ZCCHC10: variants seen among roughly 807,000 people sequenced by gnomAD.
ZCCHC10 encodes zinc finger CCHC-type containing 10.
A neutral mutation model predicts 19.5 loss-of-function variants in ZCCHC10; 16 were observed. The ratio of observed to expected loss-of-function variants is 0.82; its 90% CI spans 0.56 to 1.25. ZCCHC10 has a LOEUF of 1.25. Ranked by LOEUF, ZCCHC10 falls within the 50% of genes most tolerant of loss-of-function variation. The probability of loss-of-function intolerance (pLI) is 0.00; values close to 1 mark genes in which losing one functional copy is unlikely to be tolerated. For missense variants in ZCCHC10, 197 were observed against 201.0 expected, an observed-to-expected ratio of 0.98 and a Z score of 0.12; for synonymous variants, 67 against 72.5, an observed-to-expected ratio of 0.92 and a Z score of 0.38.
intron 1 of ZCCHC10, among the ~76,000 whole-genome samples, chr5:133,024,519 C>T (rs1256453180): frequency 6.6e-6 from 1 of 152,182 alleles, no homozygotes; most frequent in Non-Finnish European, 1.5e-5. Context: ...AAAGAGCAAG[C>T]ATGAGAGACA....
At chr5:132,999,279 T>C (rs1329164696) in intron 4 of ZCCHC10, among the ~76,000 whole-genome samples, 2 of 152,206 alleles carry the variant, frequency 1.3e-5, no homozygotes, top group African/African-American at 4.8e-5. Flanking sequence ...TTTGCTAGCA[T>C]GTTATCCTTA....
rs1432501273 is a variant in ZCCHC10 at position 133,006,803 on chromosome 5, C to A, written c.225G>T (p.Lys75Asn). Residue 75 changes from lysine to asparagine, a missense_variant, in exon 3 of 5, where the codon AAG becomes AAT. Coordinates refer to ENST00000509437, the MANE Select transcript of ZCCHC10 (RefSeq NM_001300816.3). ...LHRPSRTAEL[K>N]KALKEKENRL... ...TGTTTTCTTTTTCTTTTAAAGCTTT[C>A]TTTAGTTCTGCTGTCCTTGAGGGCC... 2 of 1,609,952 alleles carry A rather than the reference C, an allele frequency of 1.2e-6. No homozygotes were observed. The highest frequency in any genetic ancestry group is 4.5e-5 in the East Asian group (2 of 44,752).
At chr5:133,024,142 G>GT (rs1442617989) in intron 1 of ZCCHC10, among the ~76,000 whole-genome samples, 1 of 152,134 alleles carries the variant, frequency 6.6e-6, no homozygotes, top group Non-Finnish European at 1.5e-5. Context: ...ATAAAAATTT[G>GT]TTTAACTTTT....
At chr5:133,023,221 A>G (rs1036779064) in intron 1 of ZCCHC10, among the ~76,000 whole-genome samples, 3 of 152,162 alleles carry the variant, frequency 2.0e-5, no homozygotes, top group African/African-American at 7.2e-5. Flanking sequence ...GATGTTGAAG[A>G]AGGAGTAGTG....
chr5:133,025,418 G>C (rs576534402), intron 1 of ZCCHC10, among the ~76,000 whole-genome samples: 1 of 150,258 alleles, frequency 6.7e-6, no homozygotes, highest in Non-Finnish European at 1.5e-5. Context: ...GCAGGGGAAC[G>C]GCGTGAACCC....
At chr5:133,019,172 GGA>G (rs1004025226) in intron 2 of ZCCHC10, 3 of 415,598 alleles carry the variant, frequency 7.2e-6, no homozygotes, top group Non-Finnish European at 1.4e-5. Context: ...CCCGAGCTCA[GGA>G]GTTTGAGACC....
intron 1 of ZCCHC10, among the ~76,000 whole-genome samples, chr5:133,025,456 A>C (rs1033184472): frequency 1.5e-5 from 2 of 133,510 alleles, no homozygotes; most frequent in African/African-American, 5.5e-5. Context: ...GTGAGCCAAG[A>C]TTGCACCTCT....
intron 3 of ZCCHC10, among the ~76,000 whole-genome samples, chr5:133,000,911 G>A (rs1762729378): frequency 2.0e-5 from 3 of 151,256 alleles, no homozygotes; most frequent in Admixed American, 6.6e-5. Flanking sequence ...AAAGTCCTGG[G>A]GATTACAGGT....
intron 2 of ZCCHC10, among the ~76,000 whole-genome samples, chr5:133,009,426 T>C (rs7708028): frequency 0.31 from 46,802 of 151,330 alleles, 8,126 homozygotes; most frequent in African/African-American, 0.47. Context: ...GAGACCAGCG[T>C]GGCCAACATG....
intron 2 of ZCCHC10, among the ~76,000 whole-genome samples, chr5:133,020,509 G>A (rs1316201332): frequency 1.3e-5 from 2 of 151,532 alleles, no homozygotes; most frequent in African/African-American, 4.9e-5. Context: ...TGTAGTCTCA[G>A]TTACTCAGGA....
At chr5:133,001,549 C>A (rs1472279574) in intron 3 of ZCCHC10, among the ~76,000 whole-genome samples, 1 of 152,010 alleles carries the variant, frequency 6.6e-6, no homozygotes, top group African/African-American at 2.4e-5. Context: ...GCAACCTCTG[C>A]CTCCCAGCCT....
At chr5:133,011,273 C>T (rs1581401573) in intron 2 of ZCCHC10, 1 of 151,736 alleles carries the variant, frequency 6.6e-6, no homozygotes, top group African/African-American at 2.4e-5. Flanking sequence ...TTATAATAAT[C>T]CTAAAAACTA....
intron 2 of ZCCHC10, among the ~76,000 whole-genome samples, chr5:133,010,884 C>T (rs553812227): frequency 1.3e-5 from 2 of 152,008 alleles, no homozygotes; most frequent in South Asian, 2.1e-4. Flanking sequence ...ATCCACCTCC[C>T]GGATTCAAGC....
At chr5:133,013,632 G>A (rs753611861) in intron 2 of ZCCHC10, among the ~76,000 whole-genome samples, 4 of 152,084 alleles carry the variant, frequency 2.6e-5, no homozygotes, top group Non-Finnish European at 4.4e-5. Context: ...TGAGGCAGGA[G>A]AATCGCTTGA....
intron 1 of ZCCHC10, among the ~76,000 whole-genome samples, chr5:133,025,738 A>T (rs145388521): frequency 0.012 from 1,873 of 152,214 alleles, 19 homozygotes; most frequent in Middle Eastern, 0.031. Flanking sequence ...ATCTCTGTTC[A>T]AATTCCACCT....
At chr5:133,019,701 T>C (rs1764168552) in intron 2 of ZCCHC10, among the ~76,000 whole-genome samples, 2 of 152,142 alleles carry the variant, frequency 1.3e-5, no homozygotes, top group Admixed American at 1.3e-4. Flanking sequence ...AGACCTGTAA[T>C]CCCAGCACTT....
In ZCCHC10 at chr5:133,010,779, A is replaced by G. The variant is rs555058901; in HGVS notation, c.108-3859T>C. On this transcript the variant is annotated intron_variant, in intron 2 of 4. Coordinates refer to ENST00000509437, the MANE Select transcript of ZCCHC10 (RefSeq NM_001300816.3). Reference sequence around the variant, plus strand: ...AATCACTGCACCCAGCCACAAAAACAGTTTAAAAGGAACTTTTTTTTTTCT... The same window carrying G: ...AATCACTGCACCCAGCCACAAAAACGGTTTAAAAGGAACTTTTTTTTTTCT... Among the ~76,000 whole-genome samples the G allele has an allele frequency of 2.7e-4, 40 of 150,780 alleles. No individual in the cohort carries two copies. In the South Asian group the frequency reaches 8.0e-3, roughly 30 times the overall value.
chr5:133,010,176 G>A (rs912725145), intron 2 of ZCCHC10, among the ~76,000 whole-genome samples: 5 of 151,614 alleles, frequency 3.3e-5, no homozygotes, highest in Non-Finnish European at 7.4e-5. Context: ...AGCTTCGGGA[G>A]TAGCTGGGAC....
chr5:133,019,263 A>T, intron 2 of ZCCHC10: 1 of 252,308 alleles, frequency 4.0e-6, no homozygotes, highest in South Asian at 3.5e-5. Flanking sequence ...AACATATTTT[A>T]TATGTATGTT....
Sources: gnomAD v4.1 joint callset for allele counts (sites outside exome capture counted in the v4.1 genomes callset) on GRCh38, gnomAD v4.1.1 for gene constraint, MANE v1.5 for transcripts, NCBI Gene and HGNC (gene_info 2026-07-23, HGNC 2026-07-21) for gene names.